Variants in STYK1 observed in about 807,000 individuals in gnomAD.
The protein encoded by STYK1 is STY kinase 1.
Under a neutral mutation model 48.1 loss-of-function variants are expected in STYK1, and 46 were observed. The observed-to-expected ratio is 0.96, with a 90% CI of 0.75 to 1.22. The LOEUF is 1.22. STYK1 is among the 50% of genes most tolerant of loss of function. The pLI, the probability that STYK1 is intolerant of heterozygous loss-of-function variation, is 0.00. For missense variants in STYK1, 527 were observed against 521.1 expected (o/e 1.01, Z -0.11); for synonymous variants, 188 against 189.0 (o/e 0.99, Z 0.04).
intron 1 of STYK1, 126 bp downstream of exon 1, chr12:10,673,840 C>T (rs1226681992): frequency 6.6e-6 from 1 of 152,378 alleles, no homozygotes; most frequent in African/African-American, 2.4e-5. Context: ...ACCCGTTCCG[C>T]TCCCAGCCTC....
At chr12:10,670,995 A>ATTTTTTTTTTTTT (rs763044772) in intron 1 of STYK1, among the ~76,000 whole-genome samples, 2 of 110,508 alleles carry the variant, frequency 1.8e-5, no homozygotes, top group African/African-American at 7.3e-5. Flanking sequence ...GAATATATTG[A>ATTTTTTTTTTTTT]TTTTTTTTTT....
chr12:10,639,959 G>T (rs1947525975), intron 1 of STYK1, among the ~76,000 whole-genome samples: 1 of 152,180 alleles, frequency 6.6e-6, no homozygotes, highest in Non-Finnish European at 1.5e-5. Flanking sequence ...GAATCTGCCT[G>T]TAAGGGTGTC....
intron 1 of STYK1, among the ~76,000 whole-genome samples, chr12:10,641,354 C>T (rs985591387): frequency 1.3e-5 from 2 of 152,190 alleles, no homozygotes; most frequent in African/African-American, 2.4e-5. Context: ...CTTTGGTATT[C>T]AGCCTGCTGG....
At chr12:10,651,701 A>G (rs1947664131) in intron 1 of STYK1, among the ~76,000 whole-genome samples, 1 of 152,254 alleles carries the variant, frequency 6.6e-6, no homozygotes, top group South Asian at 2.1e-4. Flanking sequence ...TAACATCAAT[A>G]TGATAACATA....
rs781049396 is a variant in STYK1, at chr12:10,629,685, C to T, written c.452-11G>A. ...GGAGCCCAGCTGGTTCTGTAGAGGA[C>T]GAAAGATCCAGGCAGTGAGCAGTCA... is the stretch of plus-strand genomic sequence containing the variant. On this transcript the variant is annotated splice_polypyrimidine_tract_variant and intron_variant, in intron 5 of 10. Coordinates refer to ENST00000075503, the MANE Select transcript of STYK1 (RefSeq NM_018423.3). 5.6e-5 allele frequency: 91 copies of T among 1,613,988 alleles called. 1 individual carries two copies. Among genetic ancestry groups the T allele is most frequent in the South Asian group, 2.4e-4 (22 of 91,022 alleles).
At chr12:10,631,697 AC>A (rs1360844461) in intron 4 of STYK1, among the ~76,000 whole-genome samples, 1 of 152,176 alleles carries the variant, frequency 6.6e-6, no homozygotes, top group East Asian at 1.9e-4. Context: ...TTTAAATCAG[AC>A]AAATGGCTTT....
chr12:10,666,673 C>T (rs1381997428), intron 1 of STYK1, among the ~76,000 whole-genome samples: 1 of 152,184 alleles, frequency 6.6e-6, no homozygotes, highest in Non-Finnish European at 1.5e-5. Context: ...GGGGCGGTTT[C>T]CACCATGCTG....
At chr12:10,647,669 T>G (rs1290592679) in intron 1 of STYK1, among the ~76,000 whole-genome samples, 1 of 152,184 alleles carries the variant, frequency 6.6e-6, no homozygotes, top group African/African-American at 2.4e-5. Flanking sequence ...AGGAGTAAAA[T>G]GATATGTTTT....
At chr12:10,661,271 T>C (rs1046012730) in intron 1 of STYK1, among the ~76,000 whole-genome samples, 3 of 152,194 alleles carry the variant, frequency 2.0e-5, no homozygotes, top group Non-Finnish European at 4.4e-5. Context: ...CTGTTAACCA[T>C]TCCTTGCTAC....
At chr12:10,628,129 A>G (rs1947381014) in intron 6 of STYK1, among the ~76,000 whole-genome samples, 2 of 152,244 alleles carry the variant, frequency 1.3e-5, no homozygotes, top group South Asian at 4.1e-4. Context: ...GGAACTTGGA[A>G]TACAAGCATG....
chr12:10,650,292 G>T (rs1947648982), intron 1 of STYK1, among the ~76,000 whole-genome samples: 1 of 152,116 alleles, frequency 6.6e-6, no homozygotes. Flanking sequence ...AAAAGAACCA[G>T]TGTCAGAGTT....
chr12:10,630,995 G>A, intron 5 of STYK1, 50 bp downstream of exon 5: 2 of 1,600,230 alleles, frequency 1.2e-6, no homozygotes, highest in South Asian at 1.1e-5. Context: ...CGCAAAGCCT[G>A]TTAATATTTA....
rs543183600 is a variant in STYK1 at position 10,620,263 on chromosome 12, T to C, written c.1150A>G (p.Ile384Val). ...ACAGCCTCGTCATCTGCAGTTTTAA[T>C]GGCAGCTTCTAGGCGCAAGCGCAGC... Reference protein sequence around the residue: ...RELRLRLEAAIKTADDEAVLQ... With the variant: ...RELRLRLEAAVKTADDEAVLQ... Residue 384 changes from isoleucine (I) to valine (V), a missense_variant, in exon 11 of 11, where the codon ATT becomes GTT. Coordinates refer to ENST00000075503, the MANE Select transcript of STYK1 (RefSeq NM_018423.3). 92 of 1,613,980 alleles carry C rather than the reference T, an allele frequency of 5.7e-5. No individual in the cohort carries two copies. Among genetic ancestry groups the C allele is most frequent in the Non-Finnish European group, 7.6e-5 (90 of 1,179,968 alleles).
intron 8 of STYK1, among the ~76,000 whole-genome samples, chr12:10,623,299 C>A (rs1947318858): frequency 6.6e-6 from 1 of 152,152 alleles, no homozygotes; most frequent in African/African-American, 2.4e-5. Context: ...TATTGAAAAG[C>A]AGATGTCAGT....
At chr12:10,653,734 A>C (rs1281212483) in intron 1 of STYK1, among the ~76,000 whole-genome samples, 1 of 152,220 alleles carries the variant, frequency 6.6e-6, no homozygotes, top group Non-Finnish European at 1.5e-5. Flanking sequence ...AGTTTAAAGC[A>C]AAGGTATATG....
chr12:10,646,842 A>T (rs751570148), intron 1 of STYK1, among the ~76,000 whole-genome samples: 2 of 152,214 alleles, frequency 1.3e-5, no homozygotes, highest in Non-Finnish European at 2.9e-5. Context: ...TGTGACTAAA[A>T]GGGCCAAGGT....
chr12:10,653,068 C>T (rs930396207), intron 1 of STYK1, among the ~76,000 whole-genome samples: 1 of 151,904 alleles, frequency 6.6e-6, no homozygotes, highest in Non-Finnish European at 1.5e-5. Context: ...ATTAACATAT[C>T]TTTTCTTTCT....
At chr12:10,622,126 T>C (rs1014704639) in intron 9 of STYK1, among the ~76,000 whole-genome samples, 154 bp from the exon 10 acceptor site, 4 of 152,100 alleles carry the variant, frequency 2.6e-5, no homozygotes, top group African/African-American at 9.7e-5. Flanking sequence ...TGATCAAATA[T>C]GGATATAATT....
At chr12:10,648,701 C>T (rs977848312) in intron 1 of STYK1, among the ~76,000 whole-genome samples, 15 of 151,904 alleles carry the variant, frequency 9.9e-5, no homozygotes, top group Non-Finnish European at 1.8e-4. Flanking sequence ...GTGATCTTGG[C>T]TCACTGCAGA....
Sources: gnomAD v4.1 joint callset for allele counts (sites outside exome capture counted in the v4.1 genomes callset) on GRCh38, gnomAD v4.1.1 for gene constraint, MANE v1.5 for transcripts, NCBI Gene and HGNC (gene_info 2026-07-23, HGNC 2026-07-21) for gene names.